The following ENPP5 variants were observed in gnomAD, a reference collection of about 807,000 sequenced individuals.
The protein encoded by ENPP5 is ectonucleotide pyrophosphatase/phosphodiesterase family member 5, also known as E-NPP 5.
Under a neutral mutation model 33.7 loss-of-function variants are expected in ENPP5, and 27 were observed. That is an observed-to-expected ratio of 0.80 (90% confidence interval 0.59 to 1.11). The LOEUF (loss-of-function observed/expected upper bound fraction) is 1.11. Ranked by LOEUF, ENPP5 falls within the 50% of genes least tolerant of loss-of-function variation. The probability of loss-of-function intolerance (pLI) is 0.00; values close to 1 mark genes in which losing one functional copy is unlikely to be tolerated. For synonymous variants in ENPP5, 199 were observed against 200.5 expected (o/e 0.99, Z 0.06); for missense variants, 552 against 579.2 (o/e 0.95, Z 0.48).
intron 3 of ENPP5, among the ~76,000 whole-genome samples, chr6:46,166,054 A>G (rs576194213): frequency 2.6e-5 from 4 of 152,296 alleles, no homozygotes; most frequent in African/African-American, 9.6e-5. Context: ...TTACCCAGGC[A>G]CTGTCTTTCA....
chr6:46,167,579 C>A lies in ENPP5; in HGVS notation c.684G>T (p.Trp228Cys), dbSNP rs377355303. ...LIQMLKKAKLWNTLNLIITSD... is the reference protein window; with the variant it reads ...LIQMLKKAKLCNTLNLIITSD... ...TTGTGATGATTAGGTTCAGAGTGTT[C>A]CACAACTTTGCCTTTTTCAGCATTT... The change falls in exon 3 of 5, where the codon TGG becomes TGT. Residue 228 changes from tryptophan (W) to cysteine (C), a missense_variant. Coordinates refer to ENST00000371383, the MANE Select transcript of ENPP5 (RefSeq NM_001290072.2). 9.3e-6 allele frequency: 15 copies of A among 1,614,176 alleles called. No homozygotes were observed. Among genetic ancestry groups the A allele is most frequent in the Non-Finnish European group, 1.2e-5 (14 of 1,180,020 alleles).
intron 2 of ENPP5, among the ~76,000 whole-genome samples, chr6:46,168,747 T>C (rs542923269): frequency 6.6e-6 from 1 of 151,934 alleles, no homozygotes; most frequent in Non-Finnish European, 1.5e-5. Flanking sequence ...AATCGAATAA[T>C]GGTGCATATA....
chr6:46,168,223 C>T lies in ENPP5; in HGVS notation c.40G>A (p.Ala14Thr). ...GAAAAGGTGGTTGAAAGACTCAGTG[C>T]AGCAAGTATGAAGGACACCAAGAGA... Reference protein sequence around the residue: ...KFLLVSFILAALSLSTTFSLQ... With the variant: ...KFLLVSFILATLSLSTTFSLQ... The change falls in exon 3 of 5, where the codon GCA becomes ACA. Residue 14 changes from alanine (A) to threonine (T), a missense_variant. Coordinates refer to ENST00000371383, the MANE Select transcript of ENPP5 (RefSeq NM_001290072.2). 4 of 1,605,942 alleles carry T rather than the reference C, an allele frequency of 2.5e-6. No homozygotes were observed. Among genetic ancestry groups the T allele is most frequent in the Non-Finnish European group, 2.6e-6 (3 of 1,174,640 alleles).
At chr6:46,169,266 G>A (rs534229520) in intron 2 of ENPP5, among the ~76,000 whole-genome samples, 1 of 152,172 alleles carries the variant, frequency 6.6e-6, no homozygotes, top group Admixed American at 6.5e-5. Context: ...GGGATCTTTT[G>A]TTCTCTCATT....
chr6:46,170,186 T>G (rs540163697), intron 1 of ENPP5, 72 bp from the exon 2 acceptor site: 1 of 152,184 alleles, frequency 6.6e-6, no homozygotes, highest in Non-Finnish European at 1.5e-5. Context: ...ATAAACTACA[T>G]GGAACACCTC....
intron 4 of ENPP5, among the ~76,000 whole-genome samples, chr6:46,162,634 T>G (rs768607030): frequency 1.1e-4 from 16 of 152,100 alleles, no homozygotes; most frequent in Non-Finnish European, 1.9e-4. Flanking sequence ...ATAGGAACGC[T>G]CCCTGCCCCA....
In ENPP5 at chr6:46,160,539, A is replaced by G. The variant is rs1236792620; in HGVS notation, c.*787T>C. 6.6e-6 allele frequency: 1 copy of G among 152,218 alleles called. No homozygotes were observed. Among genetic ancestry groups the G allele is most frequent in the Non-Finnish European group, 1.5e-5 (1 of 68,026 alleles). 9.4% of individuals were successfully genotyped at this position (152,218 alleles called of 1,614,324 possible). A position where few individuals can be genotyped will look rare whatever the true frequency, so the allele number is the denominator to read the frequency against. On this transcript the variant is annotated 3_prime_UTR_variant, in exon 5 of 5. Transcript: ENST00000371383. ...TTGCTGAACTATATAGAAAAAAAGT[A>G]TATTCATGGTGTCTTCATTATTATG...
At position 46,165,964 on chromosome 6, in the gene ENPP5, G is replaced by T. The variant is rs142247006; in HGVS notation, c.830-401C>A. Among the ~76,000 whole-genome samples, 576 of 152,222 alleles carry T rather than the reference G, an allele frequency of 3.8e-3. 3 individuals are homozygous for T. Among genetic ancestry groups the T allele is most frequent in the African/African-American group, 0.013 (526 of 41,536 alleles). On this transcript the variant is annotated intron_variant, in intron 3 of 4. Transcript: ENST00000371383. ...TGAGGGCTGGGAAAAGAGGCTGGAG[G>T]TGGAAAGCAGTTTGTAAAATGGAAA...
chr6:46,163,445 C>T (rs1231830254), intron 4 of ENPP5, among the ~76,000 whole-genome samples: 5 of 147,894 alleles, frequency 3.4e-5, no homozygotes, highest in African/African-American at 5.0e-5. Context: ...CAATTCCCAC[C>T]TATGAGTGAG....
At chr6:46,164,731 T>TA (rs56295831) in intron 4 of ENPP5, among the ~76,000 whole-genome samples, 2,286 of 146,334 alleles carry the variant, frequency 0.016, 30 homozygotes, top group South Asian at 0.045. Flanking sequence ...ACTGTTTATT[T>TA]TTTTTTTTTT....
At position 46,161,173 on chromosome 6, in the gene ENPP5, A is replaced by ATGTGTG. The variant is rs35054026; in HGVS notation, c.*147_*152dup. ...TAAGTATTTTGGTCCGTGTGTGTGTATGTGTGTGTGTGTGTGTGTGTATAC... is the reference window on the plus strand; with the variant it reads ...TAAGTATTTTGGTCCGTGTGTGTGTATGTGTGTGTGTGTGTGTGTGTGTGTGTATAC... On this transcript the variant is annotated 3_prime_UTR_variant, in exon 5 of 5. Coordinates refer to ENST00000371383, the MANE Select transcript of ENPP5 (RefSeq NM_001290072.2). The ATGTGTG allele has an allele frequency of 6.8e-5, 39 of 570,126 alleles. No individual in the cohort carries two copies. Among genetic ancestry groups the ATGTGTG allele is most frequent in the Middle Eastern group, 4.8e-4 (1 of 2,098 alleles). 35.3% of individuals were successfully genotyped at this position (570,126 alleles called of 1,614,324 possible).
At chr6:46,162,808 T>C (rs1320185331) in intron 4 of ENPP5, among the ~76,000 whole-genome samples, 1 of 152,220 alleles carries the variant, frequency 6.6e-6, no homozygotes, top group Middle Eastern at 3.2e-3. Context: ...ACTGAAATTA[T>C]GAATCACTAG....
Position 46,161,348 on chromosome 6 carries a change from G to A in ENPP5, c.1412C>T (p.Ala471Val), listed in dbSNP as rs1268271459. 1.2e-6 allele frequency: 2 copies of A among 1,612,428 alleles called. No individual in the cohort carries two copies. Among genetic ancestry groups the A allele is most frequent in the African/African-American group, 2.7e-5 (2 of 74,852 alleles). Residue 471 changes from alanine (A) to valine (V), a missense_variant, in exon 5 of 5, where the codon GCT becomes GTT. Transcript: ENST00000371383. Reference sequence around the variant, plus strand: ...ACATTAGGCTTGTAATAATGGTTGAGCTATTTCAGCATGCATATCTTGTAA... The same window carrying A: ...ACATTAGGCTTGTAATAATGGTTGAACTATTTCAGCATGCATATCTTGTAA... ...PALQDMHAEI[A>V]QPLLQA
chr6:46,164,741 T>TTA (rs1216895918), intron 4 of ENPP5, among the ~76,000 whole-genome samples: 2,060 of 150,422 alleles, frequency 0.014, 23 homozygotes, highest in Non-Finnish European at 0.023. Flanking sequence ...TTTTTTTTTT[T>TTA]GCTTTTTTTT....
intron 3 of ENPP5, among the ~76,000 whole-genome samples, chr6:46,167,158 C>G (rs1252933540): frequency 1.4e-4 from 22 of 152,040 alleles, no homozygotes; most frequent in Admixed American, 1.4e-3. Flanking sequence ...GAGGCTATAG[C>G]TTTCATAATA....
Position 46,161,162 on chromosome 6 carries a change from C to CGTGTGTGTGTATGTGTGTGT in ENPP5, c.*144_*163dup. 1.7e-6 allele frequency: 1 copy of CGTGTGTGTGTATGTGTGTGT among 587,434 alleles called. No homozygotes were observed. The highest frequency in any genetic ancestry group is 2.2e-5 in the South Asian group (1 of 46,176). 36.4% of individuals were successfully genotyped at this position (587,434 alleles called of 1,614,324 possible). ...CTTTGCAGGTGTAAGTATTTTGGTC[C>CGTGTGTGTGTATGTGTGTGT]GTGTGTGTGTATGTGTGTGTGTGTG... On this transcript the variant is annotated 3_prime_UTR_variant, in exon 5 of 5. Transcript: ENST00000371383.
intron 2 of ENPP5, among the ~76,000 whole-genome samples, chr6:46,169,315 C>T (rs559069478): frequency 5.3e-5 from 8 of 152,130 alleles, no homozygotes; most frequent in Non-Finnish European, 7.4e-5. Context: ...TATAAACCCA[C>T]CAAAACTTAG....
intron 4 of ENPP5, chr6:46,164,906 T>A (rs1274314173): frequency 1.3e-5 from 2 of 152,370 alleles, no homozygotes; most frequent in Non-Finnish European, 2.9e-5. Flanking sequence ...GCCAGGCTAA[T>A]TTTTTGTATT....
Position 46,161,316 on chromosome 6 carries a change from C to A in ENPP5, c.*10G>T, listed in dbSNP as rs1354268312. 6.3e-7 allele frequency: 1 copy of A among 1,597,572 alleles called. No homozygotes were observed. ...TCCACTTCAATATGCAAATCCACTT[C>A]AAAGTAACATTAGGCTTGTAATAAT... On this transcript the variant is annotated 3_prime_UTR_variant, in exon 5 of 5. Transcript: ENST00000371383.
Sources: allele counts gnomAD v4.1 joint callset (sites outside exome capture counted in the v4.1 genomes callset), GRCh38; gene constraint gnomAD v4.1.1; transcripts MANE v1.5; gene names NCBI Gene and HGNC (gene_info 2026-07-23, HGNC 2026-07-21).